SPECC1: variants seen among roughly 807,000 people sequenced by gnomAD.
The protein encoded by SPECC1 is cytospin-B.
Under a neutral mutation model 104.1 loss-of-function variants are expected in SPECC1, and 62 were observed. The observed-to-expected ratio is 0.60, with a 90% CI of 0.49 to 0.74. SPECC1 has a LOEUF of 0.74. Ranked by LOEUF, SPECC1 falls within the 30% of genes least tolerant of loss-of-function variation. SPECC1 has a pLI of 0.00. For missense variants in SPECC1, 1,306 were observed against 1,310.5 expected (o/e 1.00, Z 0.05); for synonymous variants, 513 against 501.6 (o/e 1.02, Z -0.30).
intron 11 of SPECC1, 32 bp from the exon 12 acceptor site, chr17:20,260,160 T>C: frequency 6.4e-7 from 1 of 1,562,066 alleles, no homozygotes; most frequent in Non-Finnish European, 8.8e-7. Flanking sequence ...ATTAGCATCT[T>C]CTCCTTACCA....
intron 1 of SPECC1, among the ~76,000 whole-genome samples, chr17:20,088,952 CG>C (rs1439008620): frequency 6.6e-6 from 1 of 152,148 alleles, no homozygotes; most frequent in Non-Finnish European, 1.5e-5. Flanking sequence ...ACCTTCTGTG[CG>C]GCAGAGTGAG....
At position 20,316,452 on chromosome 17, in the gene SPECC1, C is replaced by T. The variant is rs535663110; in HGVS notation, c.*2387C>T. 6.1e-5 allele frequency: 12 copies of T among 195,542 alleles called. No homozygotes were observed. The highest frequency in any genetic ancestry group is 1.4e-4 in the African/African-American group (6 of 43,094). 12.1% of individuals were successfully genotyped at this position (195,542 alleles called of 1,614,324 possible). A position where few individuals can be genotyped will look rare whatever the true frequency, so the allele number is the denominator to read the frequency against. ...CACCGTCTCAGCTCACTGCAACCTCCGCCGCCCGTGTTTAAGCGATTCTCC... is the reference window on the plus strand; with the variant it reads ...CACCGTCTCAGCTCACTGCAACCTCTGCCGCCCGTGTTTAAGCGATTCTCC... On this transcript the variant is annotated 3_prime_UTR_variant, in exon 15 of 15. Coordinates refer to ENST00000395527, the MANE Select transcript of SPECC1 (RefSeq NM_001243439.2).
chr17:20,257,863 G>A (rs191227608), intron 11 of SPECC1, among the ~76,000 whole-genome samples: 106 of 152,340 alleles, frequency 7.0e-4, no homozygotes, highest in Non-Finnish European at 1.3e-3. Context: ...GGATCAAGAA[G>A]TCTAGAGAGA....
chr17:20,171,675 G>A (rs1163651590), intron 3 of SPECC1, among the ~76,000 whole-genome samples: 2 of 152,188 alleles, frequency 1.3e-5, no homozygotes, highest in South Asian at 4.2e-4. Context: ...AACCTCTCGG[G>A]TAGCTAGGAC....
At chr17:20,183,439 C>T (rs1458295966) in intron 3 of SPECC1, among the ~76,000 whole-genome samples, 1 of 152,074 alleles carries the variant, frequency 6.6e-6, no homozygotes, top group Admixed American at 6.5e-5. Context: ...TTTTTTTGTT[C>T]TGGCCCGAAT....
chr17:20,095,201 G>A (rs909572597), intron 1 of SPECC1, among the ~76,000 whole-genome samples: 9 of 152,130 alleles, frequency 5.9e-5, no homozygotes, highest in African/African-American at 1.9e-4. Context: ...AAAAATAATC[G>A]GTGCTGAACA....
At chr17:20,062,497 G>A (rs774675760) in intron 1 of SPECC1, among the ~76,000 whole-genome samples, 1 of 151,778 alleles carries the variant, frequency 6.6e-6, no homozygotes, top group Non-Finnish European at 1.5e-5. Flanking sequence ...CAAGTAGTTG[G>A]GACTACAGGC....
At chr17:20,211,111 G>T (rs1597986974) in intron 4 of SPECC1, among the ~76,000 whole-genome samples, 1 of 152,208 alleles carries the variant, frequency 6.6e-6, no homozygotes, top group African/African-American at 2.4e-5. Context: ...GCCCTCAGAG[G>T]ATTCAGATGT....
intron 3 of SPECC1, among the ~76,000 whole-genome samples, chr17:20,160,806 A>G (rs932385123): frequency 2.0e-5 from 3 of 152,240 alleles, no homozygotes; most frequent in South Asian, 4.2e-4. Context: ...AAGCCTCTCT[A>G]CTACTAACCT....
chr17:20,310,401 T>C (rs1349450914), intron 14 of SPECC1, among the ~76,000 whole-genome samples: 1 of 152,216 alleles, frequency 6.6e-6, no homozygotes, highest in African/African-American at 2.4e-5. Flanking sequence ...CTGTTACTTT[T>C]TGACGTTCTA....
chr17:20,311,101 GTT>G (rs58086529), intron 14 of SPECC1, among the ~76,000 whole-genome samples: 30,222 of 93,644 alleles, frequency 0.32, 3,500 homozygotes, highest in African/African-American at 0.41. Context: ...CCTTAGTGGG[GTT>G]TTTTTTTTTT....
intron 4 of SPECC1, among the ~76,000 whole-genome samples, chr17:20,221,621 T>G (rs1385697395): frequency 6.6e-6 from 1 of 152,162 alleles, no homozygotes; most frequent in Non-Finnish European, 1.5e-5. Flanking sequence ...TTGTTGATCT[T>G]TTGTATTTTT....
At chr17:20,220,974 G>C (rs1224196041) in intron 4 of SPECC1, among the ~76,000 whole-genome samples, 1 of 151,892 alleles carries the variant, frequency 6.6e-6, no homozygotes, top group South Asian at 2.1e-4. Context: ...ATACCACATT[G>C]CATATGTCAA....
At position 20,094,020 on chromosome 17, in the gene SPECC1, T is replaced by TC. The variant is rs1418953276; in HGVS notation, c.-21-2608dup. 2.0e-5 allele frequency among the ~76,000 whole-genome samples: 3 copies of TC among 152,104 alleles called. No homozygotes were observed. The East Asian group carries it at 5.8e-4, about 29-fold the overall frequency. On this transcript the variant is annotated intron_variant, in intron 1 of 14. Transcript: ENST00000395527. ...TGCTGGGATTACAGGTGTGAGCCAC[T>TC]CCCAGCCTATATTGTATATTTTAAA...
At chr17:20,018,517 A>G (rs899559046) in intron 1 of SPECC1, among the ~76,000 whole-genome samples, 4 of 152,118 alleles carry the variant, frequency 2.6e-5, no homozygotes, top group African/African-American at 4.8e-5. Context: ...CGGCCTCCCA[A>G]AGCGCTGAGA....
intron 4 of SPECC1, among the ~76,000 whole-genome samples, chr17:20,216,930 A>G (rs1341839775): frequency 1.3e-5 from 2 of 152,070 alleles, no homozygotes; most frequent in African/African-American, 4.8e-5. Context: ...GGGCTGAGGC[A>G]GGAGGATCAC....
At chr17:20,065,120 A>T (rs2046315216) in intron 1 of SPECC1, among the ~76,000 whole-genome samples, 1 of 152,214 alleles carries the variant, frequency 6.6e-6, no homozygotes, top group Non-Finnish European at 1.5e-5. Context: ...AACCCTCTCA[A>T]ACTGGGTTTT....
At chr17:20,220,329 T>A (rs1424160668) in intron 4 of SPECC1, among the ~76,000 whole-genome samples, 4 of 152,162 alleles carry the variant, frequency 2.6e-5, no homozygotes, top group Non-Finnish European at 5.9e-5. Flanking sequence ...TTTTTGTGTG[T>A]GTGTTTTCTT....
intron 1 of SPECC1, among the ~76,000 whole-genome samples, chr17:20,037,930 T>G (rs147042731): frequency 6.6e-6 from 1 of 152,164 alleles, no homozygotes; most frequent in Non-Finnish European, 1.5e-5. Flanking sequence ...AATTACAAAT[T>G]CAATTTTCTC....
Sources: allele counts gnomAD v4.1 joint callset (sites outside exome capture counted in the v4.1 genomes callset), GRCh38; gene constraint gnomAD v4.1.1; transcripts MANE v1.5; gene names NCBI Gene and HGNC (gene_info 2026-07-23, HGNC 2026-07-21).